SENP7: variants seen among roughly 807,000 people sequenced by gnomAD.
SENP7 encodes the protein sentrin-specific protease 7.
In SENP7, 64 loss-of-function variants were observed where a neutral mutation model predicts 141.2. The observed-to-expected ratio is 0.45, with a 90% CI of 0.37 to 0.56. The LOEUF is 0.56. Among genes scored for constraint, SENP7 ranks in the 20% least tolerant of loss-of-function variants. The probability of loss-of-function intolerance (pLI) is 0.00; values close to 1 mark genes in which losing one functional copy is unlikely to be tolerated. For synonymous variants in SENP7, 382 were observed against 426.4 expected (o/e 0.90, Z 1.28); for missense variants, 1,025 against 1,212.2 (o/e 0.85, Z 2.29).
In SENP7 at chr3:101,417,601, T is replaced by C; in HGVS notation, c.474A>G (p.Leu158=). ...AATACTGAACAACATACCTTTCAGA[T>C]AAATTAAGGCTTTGGCGAAGAGGTT... ...KLEPLRQSLN[L]SERIPRVILT... is the part of the protein sequence containing the mutation. Residue 158 remains leucine, a synonymous_variant, in exon 5 of 24, where the codon TTA becomes TTG. Transcript: ENST00000394095. 1 of 1,612,674 alleles carries C rather than the reference T, an allele frequency of 6.2e-7. No individual in the cohort carries two copies. Among genetic ancestry groups the C allele is most frequent in the South Asian group, 1.1e-5 (1 of 91,042 alleles).
At chr3:101,363,719 G>C (rs550865483) in intron 10 of SENP7, among the ~76,000 whole-genome samples, 6 of 152,094 alleles carry the variant, frequency 3.9e-5, no homozygotes, top group Non-Finnish European at 7.4e-5. Context: ...TGATTTCTAC[G>C]TGGAATACCA....
At chr3:101,512,916 C>T (rs1205305467) in intron 1 of SENP7, among the ~76,000 whole-genome samples, 175 bp downstream of exon 1, 1 of 152,024 alleles carries the variant, frequency 6.6e-6, no homozygotes, top group African/African-American at 2.4e-5. Context: ...CGGACCGGGT[C>T]TTCGACTCCA....
At chr3:101,445,493 G>C (rs1435595385) in intron 4 of SENP7, among the ~76,000 whole-genome samples, 1 of 150,074 alleles carries the variant, frequency 6.7e-6, no homozygotes, top group African/African-American at 2.4e-5. Flanking sequence ...AGAAAGAAAG[G>C]AACAAAGGAT....
intron 3 of SENP7, among the ~76,000 whole-genome samples, chr3:101,468,215 A>C (rs1040719338): frequency 3.2e-4 from 49 of 152,216 alleles, no homozygotes; most frequent in Admixed American, 3.1e-3. Context: ...ATGTGAAAAG[A>C]CCAAATCTAC....
At chr3:101,509,898 CCTTAT>C (rs1244991499) in intron 1 of SENP7, among the ~76,000 whole-genome samples, 2 of 152,138 alleles carry the variant, frequency 1.3e-5, no homozygotes, top group Admixed American at 6.6e-5. Context: ...AAAACAATTA[CCTTAT>C]AAGGCTTTTG....
In SENP7 at chr3:101,508,535, C is replaced by T. The variant is rs1325121283; in HGVS notation, c.40+4556G>A. ...AATGGGATGAACCCAGGAGGCGGAG[C>T]TTGCAGTGAGCCGAGATCGTGCCAC... On this transcript the variant is annotated intron_variant, in intron 1 of 23. Transcript: ENST00000394095. Among the ~76,000 whole-genome samples the T allele has an allele frequency of 2.0e-5, 3 of 152,070 alleles. No homozygotes were observed. In the East Asian group the frequency reaches 5.8e-4, roughly 30 times the overall value.
intron 3 of SENP7, among the ~76,000 whole-genome samples, chr3:101,478,581 C>T (rs552983131): frequency 3.3e-5 from 5 of 152,190 alleles, no homozygotes; most frequent in Admixed American, 2.0e-4. Context: ...GAAAAGCCCA[C>T]GACCTGATGG....
In SENP7 at chr3:101,417,691, G is replaced by C. The variant is rs772239542; in HGVS notation, c.384C>G (p.Asn128Lys). The change falls in exon 5 of 24, where the codon AAC (asparagine) becomes AAG (lysine). Residue 128 changes from asparagine (N) to lysine (K), a missense_variant. Around this residue, in one of 4 missense-constraint regions of SENP7, gnomAD observed 496 missense variants for 503.5 expected, o/e 0.99. Coordinates refer to ENST00000394095, the MANE Select transcript of SENP7 (RefSeq NM_020654.5). ...AAGGCAATGAGTCTGATTGCACCTTGTTGGCATCACATAAATTAGCATCGT... is the reference window on the plus strand; with the variant it reads ...AAGGCAATGAGTCTGATTGCACCTTCTTGGCATCACATAAATTAGCATCGT... ...PRNDANLCDANKVQSDSLPST... is the reference protein window; with the variant it reads ...PRNDANLCDAKKVQSDSLPST... 39 of 1,613,770 alleles carry C rather than the reference G, an allele frequency of 2.4e-5. No homozygotes were observed. Among genetic ancestry groups the C allele is most frequent in the Non-Finnish European group, 3.3e-5 (39 of 1,179,786 alleles).
chr3:101,414,703 G>A (rs2061559900), intron 5 of SENP7: 12 of 918,438 alleles, frequency 1.3e-5, no homozygotes, highest in East Asian at 2.6e-5. Context: ...GGGAACTTTA[G>A]TATTTTAAGC....
At chr3:101,496,825 G>A (rs757334338) in intron 2 of SENP7, among the ~76,000 whole-genome samples, 5 of 151,726 alleles carry the variant, frequency 3.3e-5, no homozygotes, top group Admixed American at 1.3e-4. Flanking sequence ...TGATCCACCC[G>A]CCTTGGCCTC....
chr3:101,474,421 G>GT (rs2064133177), intron 3 of SENP7, among the ~76,000 whole-genome samples: 1 of 152,012 alleles, frequency 6.6e-6, no homozygotes. Flanking sequence ...GTATTCCTAG[G>GT]TATTTTATTC....
At position 101,422,917 on chromosome 3, in the gene SENP7, A is replaced by C. The variant is rs192877077; in HGVS notation, c.285-5127T>G. Among the ~76,000 whole-genome samples, 37 of 152,334 alleles carry C rather than the reference A, an allele frequency of 2.4e-4. No individual in the cohort carries two copies. The East Asian group carries it at 6.9e-3, about 29-fold the overall frequency. On this transcript the variant is annotated intron_variant, in intron 4 of 23. Transcript: ENST00000394095. ...AATTTTTCAACAAAAGTAGTTTATC[A>C]ATGAATACATAAACATGACTTAATT... is the stretch of plus-strand genomic sequence containing the variant.
intron 5 of SENP7, among the ~76,000 whole-genome samples, chr3:101,416,016 A>G (rs1008909013): frequency 6.6e-6 from 1 of 152,114 alleles, no homozygotes; most frequent in African/African-American, 2.4e-5. Context: ...GTCAAAGACA[A>G]TTCCCAAGTT....
intron 4 of SENP7, among the ~76,000 whole-genome samples, chr3:101,431,429 A>G (rs1266085862): frequency 6.9e-6 from 1 of 144,516 alleles, no homozygotes; most frequent in Non-Finnish European, 1.5e-5. Flanking sequence ...CTTTACCATT[A>G]TGTAATGCCC....
intron 16 of SENP7, among the ~76,000 whole-genome samples, 187 bp downstream of exon 16, chr3:101,339,908 A>G (rs1017053684): frequency 4.6e-5 from 7 of 152,228 alleles, no homozygotes; most frequent in African/African-American, 1.7e-4. Context: ...TAGCATCCAC[A>G]GTAAGTAAAG....
intron 11 of SENP7, among the ~76,000 whole-genome samples, chr3:101,355,688 A>G (rs1477430628): frequency 1.3e-5 from 2 of 152,140 alleles, no homozygotes; most frequent in African/African-American, 4.8e-5. Context: ...TGCCTTGGCA[A>G]TCAGGCCTCT....
At chr3:101,372,196 T>C (rs767885028) in intron 6 of SENP7, 70 bp from the exon 7 acceptor site, 10 of 729,222 alleles carry the variant, frequency 1.4e-5, no homozygotes, top group South Asian at 3.4e-5. Context: ...AACTAGCATG[T>C]ATTTAAAAAT....
chr3:101,389,635 TTACATTAAA>T (rs1425746269), intron 6 of SENP7, among the ~76,000 whole-genome samples: 2 of 152,160 alleles, frequency 1.3e-5, no homozygotes, highest in African/African-American at 4.8e-5. Context: ...CAGGCCCTAC[TTACATTAAA>T]TGCTTAAGAA....
At chr3:101,352,800 C>T (rs1400013816) in intron 11 of SENP7, among the ~76,000 whole-genome samples, 1 of 151,858 alleles carries the variant, frequency 6.6e-6, no homozygotes, top group Non-Finnish European at 1.5e-5. Context: ...TCAGTGAAAC[C>T]ACAGGTTTAT....
Sources: gnomAD v4.1 joint callset for allele counts (sites outside exome capture counted in the v4.1 genomes callset) on GRCh38, gnomAD v4.1.1 for gene constraint, gnomAD v4.1.1 regional missense constraint, MANE v1.5 for transcripts, NCBI Gene and HGNC (gene_info 2026-07-23, HGNC 2026-07-21) for gene names.